NFATC2: variants seen among roughly 807,000 people sequenced by gnomAD.
NFATC2 encodes nuclear factor of activated T cells 2.
In NFATC2, 22 loss-of-function variants were observed where a neutral mutation model predicts 87.3. That is an observed-to-expected ratio of 0.25 (90% CI 0.18 to 0.36). The LOEUF is 0.36. Ranked by LOEUF, NFATC2 falls within the 10% of genes least tolerant of loss-of-function variation. NFATC2 has a pLI of 1.00. For missense variants in NFATC2, 1,149 were observed against 1,259.1 expected, an observed-to-expected ratio of 0.91 and a Z score of 1.32; for synonymous variants, 565 against 542.2, an observed-to-expected ratio of 1.04 and a Z score of -0.58.
chr20:51,548,890 C>T (rs1304512876), intron 1 of NFATC2, among the ~76,000 whole-genome samples: 1 of 152,234 alleles, frequency 6.6e-6, no homozygotes, highest in East Asian at 1.9e-4. Flanking sequence ...GTTTTGTAGC[C>T]TTGGCAGCCC....
intron 2 of NFATC2, among the ~76,000 whole-genome samples, chr20:51,520,531 A>C (rs2146708523): frequency 6.6e-6 from 1 of 151,650 alleles, no homozygotes; most frequent in South Asian, 2.1e-4. Context: ...GCCTGGCTGC[A>C]TTTCATGAAA....
rs200228765 is a variant in NFATC2, at chr20:51,432,424, C to T, written c.2365G>A (p.Gly789Ser). Reference protein sequence around the residue: ...DAHRSVLVHAGSQGQSSALLH... With the variant: ...DAHRSVLVHASSQGQSSALLH... Reference sequence around the variant, plus strand: ...AGGGCTGAGCTCTGGCCCTGGGAGCCGGCGTGCACCAGCACAGAGCGGTGA... The same window carrying T: ...AGGGCTGAGCTCTGGCCCTGGGAGCTGGCGTGCACCAGCACAGAGCGGTGA... The change falls in exon 9 of 11, where the codon GGC becomes AGC. Residue 789 changes from glycine (G) to serine (S), a missense_variant. Physicochemically the swap from Gly to Ser is moderately conservative, Grantham distance 56. Around this residue, in one of 3 missense-constraint regions of NFATC2, gnomAD observed 581 missense variants for 649.7 expected, o/e 0.89. Transcript: ENST00000371564. The surrounding 1 kb of genome is among the most constrained non-coding windows in gnomAD (Gnocchi z 4.6). 3.8e-5 allele frequency: 60 copies of T among 1,589,278 alleles called. No individual in the cohort carries two copies. Among genetic ancestry groups the T allele is most frequent in the Non-Finnish European group, 4.5e-5 (53 of 1,166,008 alleles).
Position 51,542,465 on chromosome 20 carries a change from C to A in NFATC2, c.35G>T (p.Gly12Val), listed in dbSNP as rs757748401. ...AGGCTCGTGGCCTGGGGCGTCCCCGCCGTCGGGTTGGGGCTGCCGCTCGGG... is the reference window on the plus strand; with the variant it reads ...AGGCTCGTGGCCTGGGGCGTCCCCGACGTCGGGTTGGGGCTGCCGCTCGGG... ...NAPERQPQPD[G>V]GDAPGHEPGG... Residue 12 changes from glycine to valine, a missense_variant, in exon 1 of 11, where the codon GGC (glycine) becomes GTC (valine). Transcript: ENST00000371564. 6.4e-7 allele frequency: 1 copy of A among 1,569,980 alleles called. No individual in the cohort carries two copies.
At chr20:51,545,325 T>C (rs2076880027), upstream of NFATC2, among the ~76,000 whole-genome samples, 1 of 152,188 alleles carries the variant, frequency 6.6e-6, no homozygotes, top group Non-Finnish European at 1.5e-5. Flanking sequence ...CCCCAGTGTG[T>C]TCCTTGGGGA....
intron 6 of NFATC2, among the ~76,000 whole-genome samples, chr20:51,446,701 C>A (rs1304727032): frequency 6.6e-6 from 1 of 152,214 alleles, no homozygotes; most frequent in Non-Finnish European, 1.5e-5. Flanking sequence ...ATATTTAGAT[C>A]CCTGAAAACG....
At chr20:51,406,814 A>G (rs1978383241) in intron 9 of NFATC2, among the ~76,000 whole-genome samples, 1 of 152,152 alleles carries the variant, frequency 6.6e-6, no homozygotes, top group Non-Finnish European at 1.5e-5. Context: ...AGGGAAATTC[A>G]GGTCACCTCC....
chr20:51,510,079 T>C (rs1003976068), intron 3 of NFATC2, among the ~76,000 whole-genome samples: 5 of 152,242 alleles, frequency 3.3e-5, no homozygotes, highest in African/African-American at 1.2e-4. Context: ...AGTGCGACGC[T>C]TCCACGTTCT....
At chr20:51,435,126 T>C in intron 8 of NFATC2, 62 bp downstream of exon 8, 1 of 1,594,380 alleles carries the variant, frequency 6.3e-7, no homozygotes, top group Non-Finnish European at 8.5e-7. Context: ...ACTTCAGGAG[T>C]CCTGAGCCCT....
chr20:51,538,630 C>T (rs934411531), intron 1 of NFATC2, among the ~76,000 whole-genome samples: 1 of 152,202 alleles, frequency 6.6e-6, no homozygotes, highest in African/African-American at 2.4e-5. Flanking sequence ...GGATCTAACA[C>T]AGAGGGTGCT....
chr20:51,515,298 G>A (rs1186789135), intron 3 of NFATC2, among the ~76,000 whole-genome samples: 2 of 152,200 alleles, frequency 1.3e-5, no homozygotes, highest in Admixed American at 1.3e-4. Context: ...GCTGGCATAT[G>A]GGAATTCCAG....
intron 6 of NFATC2, among the ~76,000 whole-genome samples, chr20:51,449,134 GA>G (rs1019199862): frequency 2.6e-5 from 4 of 152,200 alleles, no homozygotes; most frequent in African/African-American, 9.6e-5. Context: ...CTTAATGTGA[GA>G]AACAGCTGGG....
chr20:51,441,746 T>C (rs1238296287), intron 6 of NFATC2, among the ~76,000 whole-genome samples: 1 of 148,440 alleles, frequency 6.7e-6, no homozygotes, highest in African/African-American at 2.5e-5. Context: ...ATAAAGTTAA[T>C]ATTACTGAAC....
At chr20:51,534,095 T>C (rs896623933) in intron 1 of NFATC2, among the ~76,000 whole-genome samples, 2 of 152,194 alleles carry the variant, frequency 1.3e-5, no homozygotes, top group South Asian at 2.1e-4. Context: ...TCCCCTGTTC[T>C]CTCTGCAGTT....
upstream of NFATC2, among the ~76,000 whole-genome samples, chr20:51,546,693 T>G (rs759274695): frequency 6.6e-6 from 1 of 152,146 alleles, no homozygotes; most frequent in Non-Finnish European, 1.5e-5. Context: ...CCCTTCAACA[T>G]GCACTTAACC....
chr20:51,399,525 C>T (rs993416788), intron 9 of NFATC2, among the ~76,000 whole-genome samples: 2 of 151,686 alleles, frequency 1.3e-5, no homozygotes, highest in South Asian at 2.1e-4. Context: ...GCATAAGCTC[C>T]CTGAAATCTC....
chr20:51,558,622 T>C (rs2076998004), intron 1 of NFATC2, among the ~76,000 whole-genome samples: 1 of 152,200 alleles, frequency 6.6e-6, no homozygotes. Flanking sequence ...CTGTTTCCCC[T>C]GCTTCCTACC....
chr20:51,457,486 G>A (rs1488788995), intron 5 of NFATC2, among the ~76,000 whole-genome samples: 2 of 152,202 alleles, frequency 1.3e-5, no homozygotes, highest in Non-Finnish European at 2.9e-5. Flanking sequence ...CTTTCCTGCG[G>A]CAGCCTCGTT....
intron 1 of NFATC2, among the ~76,000 whole-genome samples, chr20:51,560,288 G>A (rs2077010345): frequency 6.6e-6 from 1 of 152,172 alleles, no homozygotes; most frequent in South Asian, 2.1e-4. Flanking sequence ...ACTTGCCCAA[G>A]ATCACACAGT....
rs767060010 is a variant in NFATC2 at position 51,542,446 on chromosome 20, G to T, written c.54C>A (p.His18Gln). 1 of 1,580,450 alleles carries T rather than the reference G, an allele frequency of 6.3e-7. No homozygotes were observed. Among genetic ancestry groups the T allele is most frequent in the Non-Finnish European group, 8.6e-7 (1 of 1,166,540 alleles). Residue 18 changes from histidine to glutamine, a missense_variant, in exon 1 of 11, where the codon CAC becomes CAA. Coordinates refer to ENST00000371564, the MANE Select transcript of NFATC2 (RefSeq NM_012340.5). The stretch of plus-strand genomic sequence containing the variant: ...CGTCTTGGGGGCTGCCCCCAGGCTC[G>T]TGGCCTGGGGCGTCCCCGCCGTCGG... ...PQPDGGDAPG[H>Q]EPGGSPQDEL... is the part of the protein sequence containing the mutation.
Sources: gnomAD v4.1 joint callset for allele counts (sites outside exome capture counted in the v4.1 genomes callset) on GRCh38, gnomAD v4.1.1 for gene constraint, gnomAD v4.1.1 regional missense constraint, Gnocchi (gnomAD v3.1) non-coding constraint, MANE v1.5 for transcripts, NCBI Gene and HGNC (gene_info 2026-07-23, HGNC 2026-07-21) for gene names.